The following NR3C1 variants were observed in gnomAD, a reference collection of about 807,000 sequenced individuals.
The protein encoded by NR3C1 is nuclear receptor subfamily 3 group C member 1, also known as glucocorticoid receptor.
A neutral mutation model predicts 74.0 loss-of-function variants in NR3C1; 14 were observed. The ratio of observed to expected loss-of-function variants is 0.19; its 90% CI spans 0.12 to 0.30. The LOEUF (loss-of-function observed/expected upper bound fraction) is 0.30, where lower values mean the gene tolerates loss of function less well. NR3C1 is among the 10% of genes least tolerant of loss of function. The probability of loss-of-function intolerance (pLI) is 1.00; values close to 1 mark genes in which losing one functional copy is unlikely to be tolerated. For missense variants in NR3C1, 695 were observed against 909.8 expected (o/e 0.76, Z 3.04); for synonymous variants, 308 against 332.5 (o/e 0.93, Z 0.80).
At chr5:143,425,215 C>G (rs1751468281) in intron 1 of NR3C1, among the ~76,000 whole-genome samples, 2 of 152,062 alleles carry the variant, frequency 1.3e-5, no homozygotes, top group African/African-American at 4.8e-5. Context: ...AAAAAATTAA[C>G]TCAAAATGGA....
At chr5:143,310,247 C>T (rs1193807947) in intron 3 of NR3C1, 34 bp from the exon 4 acceptor site, 3 of 1,429,070 alleles carry the variant, frequency 2.1e-6, no homozygotes, top group Admixed American at 1.7e-5. Flanking sequence ...TAAAGTTTCA[C>T]AGGTCTTCAA....
At position 143,295,599 on chromosome 5, in the gene NR3C1, GATA is replaced by G; in HGVS notation, c.1893-12_1893-10del. On this transcript the variant is annotated splice_polypyrimidine_tract_variant and intron_variant, in intron 6 of 8. Coordinates refer to ENST00000394464, the MANE Select transcript of NR3C1 (RefSeq NM_000176.3). ...GTAGAGTCATTCTCTGCCTGTGAAA[GATA>G]AATAGCAGGGTATTAGTTAGAAATA... 1 of 1,607,284 alleles carries G rather than the reference GATA, an allele frequency of 6.2e-7. No individual in the cohort carries two copies. The highest frequency in any genetic ancestry group is 8.5e-7 in the Non-Finnish European group (1 of 1,174,578).
intron 1 of NR3C1, among the ~76,000 whole-genome samples, chr5:143,401,871 TCC>T (rs1840347505): frequency 6.6e-6 from 1 of 152,220 alleles, no homozygotes; most frequent in East Asian, 1.9e-4. Flanking sequence ...CCTTCACCTA[TCC>T]AAACCTTCAC....
At chr5:143,284,339 A>C (rs1184569289) in intron 7 of NR3C1, among the ~76,000 whole-genome samples, 5 of 152,178 alleles carry the variant, frequency 3.3e-5, no homozygotes, top group Non-Finnish European at 7.3e-5. Context: ...GATTAGAATT[A>C]GACTAATGAA....
rs10037693 is a variant in NR3C1 at position 143,392,749 on chromosome 5, A to T, written c.1184+6907T>A. ...CTTAATCATTATTAGGTAAAAAAAA[A>T]TTAACAAAATGAATAGAGAAGAATA... On this transcript the variant is annotated intron_variant, in intron 2 of 8. Transcript: ENST00000394464. Among the ~76,000 whole-genome samples, 661 of 152,328 alleles carry T rather than the reference A, an allele frequency of 4.3e-3. 2 individuals carry two copies. Among genetic ancestry groups the T allele is most frequent in the African/African-American group, 0.015 (630 of 41,576 alleles).
chr5:143,335,147 A>G (rs1421846865), intron 2 of NR3C1, among the ~76,000 whole-genome samples: 1 of 152,238 alleles, frequency 6.6e-6, no homozygotes, highest in Non-Finnish European at 1.5e-5. Flanking sequence ...TCTCCCTACT[A>G]GCATCAAGAA....
At chr5:143,308,105 T>C (rs182332241) in intron 4 of NR3C1, among the ~76,000 whole-genome samples, 2 of 152,274 alleles carry the variant, frequency 1.3e-5, no homozygotes, top group East Asian at 3.9e-4. Flanking sequence ...TATTTTCTAT[T>C]TAACAAGATG....
intron 2 of NR3C1, among the ~76,000 whole-genome samples, chr5:143,345,745 A>G (rs1449300612): frequency 6.6e-6 from 1 of 152,134 alleles, no homozygotes; most frequent in African/African-American, 2.4e-5. Flanking sequence ...TGGGTAAATA[A>G]TTATTTTTTG....
intron 7 of NR3C1, among the ~76,000 whole-genome samples, chr5:143,290,256 T>A (rs1166294205): frequency 6.6e-6 from 1 of 152,242 alleles, no homozygotes; most frequent in Non-Finnish European, 1.5e-5. Flanking sequence ...AAATCCTACT[T>A]GCAGCCTGTA....
chr5:143,419,304 G>A (rs969347453), intron 1 of NR3C1, among the ~76,000 whole-genome samples: 5 of 152,068 alleles, frequency 3.3e-5, no homozygotes, highest in African/African-American at 1.2e-4. Flanking sequence ...AAGGACACGG[G>A]CATATTCATA....
chr5:143,376,428 G>C (rs1835202389), intron 2 of NR3C1, among the ~76,000 whole-genome samples: 1 of 152,164 alleles, frequency 6.6e-6, no homozygotes, highest in Non-Finnish European at 1.5e-5. Context: ...TCTCCATCTA[G>C]AGCTACCTCT....
At chr5:143,294,084 A>G (rs1816586349) in intron 7 of NR3C1, 1 of 984,792 alleles carries the variant, frequency 1.0e-6, no homozygotes, top group African/African-American at 1.7e-5. Flanking sequence ...ATATCCATTA[A>G]CATAAAATAA....
At position 143,392,340 on chromosome 5, in the gene NR3C1, A is replaced by G. The variant is rs888653993; in HGVS notation, c.1184+7316T>C. ...TAAAAACCCTCTCACTATTTTACAG[A>G]AATTGAAACTGTGACAAAAAGCAGT... is the stretch of plus-strand genomic sequence containing the variant. On this transcript the variant is annotated intron_variant, in intron 2 of 8. Transcript: ENST00000394464. 3.9e-5 allele frequency among the ~76,000 whole-genome samples: 6 copies of G among 152,230 alleles called. No homozygotes were observed. In the South Asian group the frequency reaches 6.2e-4, roughly 16 times the overall value.
In NR3C1 at chr5:143,402,015, G is replaced by GT. The variant is rs531482797; in HGVS notation, c.-13-1164dup. ...ATAGTCAAATCCCGTCCAATAAAAG[G>GT]TAACTTTTCCTATGCGATGACGTTA... On this transcript the variant is annotated intron_variant, in intron 1 of 8. Transcript: ENST00000394464. 4.6e-5 allele frequency among the ~76,000 whole-genome samples: 7 copies of GT among 152,300 alleles called. No individual in the cohort carries two copies. The South Asian group carries it at 1.0e-3, about 23-fold the overall frequency.
At chr5:143,333,315 T>C in intron 2 of NR3C1, 2 of 699,050 alleles carry the variant, frequency 2.9e-6, no homozygotes, top group East Asian at 5.4e-5. Context: ...TTACAAGTTC[T>C]TTTTGCATTT....
chr5:143,305,241 G>A (rs1236747494), intron 4 of NR3C1, among the ~76,000 whole-genome samples: 2 of 152,178 alleles, frequency 1.3e-5, no homozygotes, highest in Non-Finnish European at 1.5e-5. Flanking sequence ...AAAGACATAC[G>A]TGTGGCCAAC....
rs575606978 is a variant in NR3C1 at position 143,361,308 on chromosome 5, A to G, written c.1184+38348T>C. Among the ~76,000 whole-genome samples the G allele has an allele frequency of 2.8e-3, 419 of 152,356 alleles. 2 individuals are homozygous for G. Among genetic ancestry groups the G allele is most frequent in the Admixed American group, 5.4e-3 (83 of 15,304 alleles). On this transcript the variant is annotated intron_variant, in intron 2 of 8. Coordinates refer to ENST00000394464, the MANE Select transcript of NR3C1 (RefSeq NM_000176.3). ...TTGTTAAATTTTAATAAAATTAAAAAAGGAAATAAAAAATTAATTGCCAGA... is the reference window on the plus strand; with the variant it reads ...TTGTTAAATTTTAATAAAATTAAAAGAGGAAATAAAAAATTAATTGCCAGA...
At chr5:143,314,258 G>C (rs1265142736) in intron 2 of NR3C1, 90 bp from the exon 3 acceptor site, 5 of 1,368,150 alleles carry the variant, frequency 3.7e-6, no homozygotes, top group Non-Finnish European at 5.1e-6. Context: ...TAGTCAGAAT[G>C]CTCACAGTGA....
chr5:143,306,559 C>G (rs1819634850), intron 4 of NR3C1, among the ~76,000 whole-genome samples: 1 of 152,148 alleles, frequency 6.6e-6, no homozygotes. Flanking sequence ...TTCAATTCAT[C>G]TACAAGTAGA....
Sources: allele counts gnomAD v4.1 joint callset (sites outside exome capture counted in the v4.1 genomes callset), GRCh38; gene constraint gnomAD v4.1.1; transcripts MANE v1.5; gene names NCBI Gene and HGNC (gene_info 2026-07-23, HGNC 2026-07-21).